Variants in MAML3 observed in about 807,000 individuals in gnomAD.
The protein encoded by MAML3 is mastermind like transcriptional coactivator 3.
Under a neutral mutation model 101.9 loss-of-function variants are expected in MAML3, and 27 were observed. That is an observed-to-expected ratio of 0.27 (90% CI 0.20 to 0.37). The LOEUF (loss-of-function observed/expected upper bound fraction) is 0.37. MAML3 is among the 10% of genes least tolerant of loss of function. The pLI is 1.00. For synonymous variants in MAML3, 501 were observed against 555.9 expected (o/e 0.90, Z 1.39); for missense variants, 1,316 against 1,444.9 (o/e 0.91, Z 1.45).
chr4:140,090,216 A>C (rs1050289812), intron 1 of MAML3, among the ~76,000 whole-genome samples: 14 of 152,200 alleles, frequency 9.2e-5, no homozygotes, highest in African/African-American at 3.4e-4. Context: ...GACATTCTAC[A>C]GAGTGCTTCT....
intron 1 of MAML3, among the ~76,000 whole-genome samples, chr4:140,073,386 C>T (rs192450123): frequency 4.6e-5 from 7 of 152,286 alleles, no homozygotes; most frequent in Admixed American, 1.3e-4. Context: ...GATCCACCCA[C>T]GTAGGTCTCC....
intron 1 of MAML3, among the ~76,000 whole-genome samples, chr4:140,133,568 A>C (rs899500606): frequency 2.0e-5 from 3 of 152,108 alleles, no homozygotes; most frequent in Non-Finnish European, 4.4e-5. Flanking sequence ...AAATAATTAT[A>C]ATACAAATCA....
At chr4:139,940,322 C>T (rs1733578635) in intron 1 of MAML3, among the ~76,000 whole-genome samples, 2 of 152,124 alleles carry the variant, frequency 1.3e-5, no homozygotes, top group Admixed American at 6.5e-5. Flanking sequence ...CTACGTGTAT[C>T]CTACCCAATC....
intron 1 of MAML3, among the ~76,000 whole-genome samples, chr4:139,979,951 C>T (rs555440415): frequency 4.7e-4 from 71 of 152,310 alleles, no homozygotes; most frequent in Non-Finnish European, 8.7e-4. Flanking sequence ...ATCCCATTGT[C>T]CCACCCAGGG....
At chr4:140,015,549 GC>G (rs1221546589) in intron 1 of MAML3, among the ~76,000 whole-genome samples, 1 of 152,180 alleles carries the variant, frequency 6.6e-6, no homozygotes, top group Non-Finnish European at 1.5e-5. Flanking sequence ...AAGACTGAAT[GC>G]TTTCTCCCTG....
At chr4:139,852,776 C>T (rs1214684536) in intron 2 of MAML3, among the ~76,000 whole-genome samples, 2 of 152,072 alleles carry the variant, frequency 1.3e-5, no homozygotes, top group Admixed American at 1.3e-4. Flanking sequence ...GTAATCCATT[C>T]CAGGAACGTC....
chr4:140,104,414 A>ATATATATATATTATATAT (rs1728314940), intron 1 of MAML3, among the ~76,000 whole-genome samples: 1 of 21,554 alleles, frequency 4.6e-5, no homozygotes, highest in Non-Finnish European at 1.0e-4. Context: ...ATATAATATA[A>ATATATATATATTATATAT]TATATAATAT....
intron 1 of MAML3, among the ~76,000 whole-genome samples, chr4:139,962,290 G>A (rs937056478): frequency 6.6e-6 from 1 of 152,154 alleles, no homozygotes; most frequent in Non-Finnish European, 1.5e-5. Context: ...CACTTTGTCA[G>A]AGCTATTTCA....
At chr4:140,102,037 T>G (rs1173812637) in intron 1 of MAML3, among the ~76,000 whole-genome samples, 1 of 152,128 alleles carries the variant, frequency 6.6e-6, no homozygotes, top group African/African-American at 2.4e-5. Flanking sequence ...CAAAATGAAG[T>G]GGGAAACTTG....
rs879471649 is a variant in MAML3 at position 139,787,293 on chromosome 4, C to T, written c.2080-56626G>A. On this transcript the variant is annotated intron_variant, in intron 2 of 4. Coordinates refer to ENST00000509479, the MANE Select transcript of MAML3 (RefSeq NM_018717.5). Reference sequence around the variant, plus strand: ...CCTGGAACAGGGAGATCTACAACTACGGAACACTGGCTAAAGACCATCTTC... The same window carrying T: ...CCTGGAACAGGGAGATCTACAACTATGGAACACTGGCTAAAGACCATCTTC... Among the ~76,000 whole-genome samples, 25 of 152,248 alleles carry T rather than the reference C, an allele frequency of 1.6e-4. 1 individual carries two copies. Among genetic ancestry groups the T allele is most frequent in the Non-Finnish European group, 2.8e-4 (19 of 68,044 alleles).
chr4:139,962,358 T>G (rs981080931), intron 1 of MAML3, among the ~76,000 whole-genome samples: 4 of 152,170 alleles, frequency 2.6e-5, no homozygotes, highest in African/African-American at 9.6e-5. Context: ...ATTTGGTGCC[T>G]GCTGATATGT....
At chr4:139,797,634 T>A (rs1730534320) in intron 2 of MAML3, among the ~76,000 whole-genome samples, 1 of 152,114 alleles carries the variant, frequency 6.6e-6, no homozygotes, top group Admixed American at 6.6e-5. Flanking sequence ...GTTCACTTTT[T>A]CAGAAATACA....
chr4:139,970,371 G>A (rs181952519), intron 1 of MAML3, among the ~76,000 whole-genome samples: 107 of 152,270 alleles, frequency 7.0e-4, no homozygotes, highest in African/African-American at 2.4e-3. Flanking sequence ...GTAGCCAGGG[G>A]GATTGAAGCA....
chr4:139,881,368 T>G (rs1732214983), intron 2 of MAML3, among the ~76,000 whole-genome samples: 1 of 152,088 alleles, frequency 6.6e-6, no homozygotes, highest in East Asian at 1.9e-4. Flanking sequence ...CCACCATTTC[T>G]TACCTCCCTA....
At chr4:139,945,204 T>G (rs999171348) in intron 1 of MAML3, among the ~76,000 whole-genome samples, 22 of 152,146 alleles carry the variant, frequency 1.4e-4, no homozygotes, top group African/African-American at 5.1e-4. Flanking sequence ...AAAATGAGCT[T>G]CTCTTCTTTT....
chr4:140,118,748 C>T (rs1234488452), intron 1 of MAML3, among the ~76,000 whole-genome samples: 1 of 152,112 alleles, frequency 6.6e-6, no homozygotes, highest in African/African-American at 2.4e-5. Flanking sequence ...AGTATTATGG[C>T]CCATTGGAAA....
At chr4:140,031,345 A>C (rs1270857524) in intron 1 of MAML3, among the ~76,000 whole-genome samples, 1 of 152,230 alleles carries the variant, frequency 6.6e-6, no homozygotes. Context: ...TTTTGTGTGT[A>C]TAATATTATT....
intron 1 of MAML3, among the ~76,000 whole-genome samples, chr4:139,892,237 A>G (rs905880842): frequency 3.3e-5 from 5 of 152,308 alleles, no homozygotes; most frequent in South Asian, 2.1e-4. Context: ...CTAAAACTCA[A>G]CATGTCTCAA....
intron 1 of MAML3, among the ~76,000 whole-genome samples, chr4:139,896,892 C>A (rs778975145): frequency 6.6e-6 from 1 of 152,040 alleles, no homozygotes; most frequent in Non-Finnish European, 1.5e-5. Context: ...GTGTGGTGGG[C>A]GAGGGTGCAT....
Sources: gnomAD v4.1 joint callset for allele counts (sites outside exome capture counted in the v4.1 genomes callset) on GRCh38, gnomAD v4.1.1 for gene constraint, MANE v1.5 for transcripts, NCBI Gene and HGNC (gene_info 2026-07-23, HGNC 2026-07-21) for gene names.